KDM4C: variants seen among roughly 807,000 people sequenced by gnomAD.
The protein encoded by KDM4C is lysine demethylase 4C.
Under a neutral mutation model 129.3 loss-of-function variants are expected in KDM4C, and 81 were observed. The ratio of observed to expected loss-of-function variants is 0.63; its 90% confidence interval spans 0.52 to 0.75. KDM4C has a LOEUF of 0.75. Among genes scored for constraint, KDM4C ranks in the 30% least tolerant of loss-of-function variants. KDM4C has a pLI of 0.00. For synonymous variants in KDM4C, 573 were observed against 456.1 expected, an observed-to-expected ratio of 1.26 and a Z score of -3.26; for missense variants, 1,457 against 1,304.0, an observed-to-expected ratio of 1.12 and a Z score of -1.81.
chr9:6,982,450 A>T (rs1816933777), intron 9 of KDM4C: 1 of 152,200 alleles, frequency 6.6e-6, no homozygotes, highest in African/African-American at 2.4e-5. Flanking sequence ...AAAAAGTATT[A>T]TAGTGCTTCC....
At chr9:6,909,685 C>G (rs1223940261) in intron 8 of KDM4C, among the ~76,000 whole-genome samples, 3 of 151,760 alleles carry the variant, frequency 2.0e-5, no homozygotes, top group African/African-American at 7.3e-5. Flanking sequence ...TTTAATGAAA[C>G]AAGTAAATAT....
chr9:7,162,811 G>C (rs1179275863), intron 19 of KDM4C, among the ~76,000 whole-genome samples: 10 of 152,112 alleles, frequency 6.6e-5, no homozygotes, highest in African/African-American at 2.4e-4. Context: ...GCAGGGTACA[G>C]CCTCATGTAT....
chr9:6,735,140 C>G (rs1406853990), intron 1 of KDM4C: 4 of 257,434 alleles, frequency 1.6e-5, no homozygotes, highest in Non-Finnish European at 3.1e-5. Context: ...GAGGCTACAC[C>G]TGTCCCCGCC....
At chr9:6,730,351 C>G (rs1024608207) in intron 1 of KDM4C, among the ~76,000 whole-genome samples, 3 of 151,870 alleles carry the variant, frequency 2.0e-5, no homozygotes, top group African/African-American at 7.3e-5. Flanking sequence ...CGTGGTGGCT[C>G]ACGCCTGTAA....
At position 6,772,769 on chromosome 9, in the gene KDM4C, T is replaced by C. The variant is rs2130645499; in HGVS notation, c.-18+14566T>C. Among the ~76,000 whole-genome samples, 3 of 150,568 alleles carry C rather than the reference T, an allele frequency of 2.0e-5. No homozygotes were observed. In the South Asian group the frequency reaches 6.4e-4, roughly 32 times the overall value. Reference sequence around the variant, plus strand: ...GTGAAGTGGCGCCATCTTGGCTCACTGCAGCCTCTGCCCCCCGGATTCAAG... The same window carrying C: ...GTGAAGTGGCGCCATCTTGGCTCACCGCAGCCTCTGCCCCCCGGATTCAAG... On this transcript the variant is annotated intron_variant, in intron 1 of 21. Coordinates refer to ENST00000381309, the MANE Select transcript of KDM4C (RefSeq NM_015061.6).
chr9:7,077,338 C>A, intron 17 of KDM4C: 1 of 510,472 alleles, frequency 2.0e-6, no homozygotes, highest in Non-Finnish European at 2.5e-6. Context: ...CTATGCCCCT[C>A]CCCTCAACTA....
intron 4 of KDM4C, among the ~76,000 whole-genome samples, chr9:6,833,471 C>T (rs1023971650): frequency 2.6e-5 from 4 of 152,238 alleles, no homozygotes; most frequent in East Asian, 1.9e-4. Flanking sequence ...CGTTTGGCCA[C>T]GTGGCTTCAG....
At chr9:6,888,153 T>C in intron 7 of KDM4C, 90 bp downstream of exon 7, 1 of 607,628 alleles carries the variant, frequency 1.6e-6, no homozygotes, top group Non-Finnish European at 2.8e-6. Flanking sequence ...CAGTAGAATT[T>C]TTAGGATGTG....
chr9:6,768,561 T>C (rs886765755), intron 1 of KDM4C, among the ~76,000 whole-genome samples: 1 of 152,170 alleles, frequency 6.6e-6, no homozygotes, highest in African/African-American at 2.4e-5. Context: ...ATCTAATTTT[T>C]AGATTCTTCA....
In KDM4C at chr9:6,986,481, G is replaced by A. The variant is rs202060671; in HGVS notation, c.1492G>A (p.Glu498Lys). 311 of 1,613,956 alleles carry A rather than the reference G, an allele frequency of 1.9e-4. No individual in the cohort carries two copies. The highest frequency in any genetic ancestry group is 9.7e-5 in the Non-Finnish European group (114 of 1,180,030). ...IPLSSGYEKP[E>K]KSDPSELSWP... ...ATTGTCTAGTGGCTATGAGAAGCCC[G>A]AGAAATCAGACCCATCCGAGCTTTC... Residue 498 changes from glutamate (E) to lysine (K), a missense_variant, in exon 11 of 22, where the codon GAG (glutamate) becomes AAG (lysine). Glu to Lys is a moderately conservative substitution (Grantham distance 56, BLOSUM62 1). Transcript: ENST00000381309.
intron 8 of KDM4C, among the ~76,000 whole-genome samples, chr9:6,919,700 G>A (rs1441524102): frequency 6.6e-6 from 1 of 151,398 alleles, no homozygotes; most frequent in Non-Finnish European, 1.5e-5. Context: ...TTCAGCCTCC[G>A]GAGTAGCTGG....
chr9:6,970,908 A>G (rs886492702), intron 8 of KDM4C, among the ~76,000 whole-genome samples: 1 of 142,398 alleles, frequency 7.0e-6, no homozygotes, highest in African/African-American at 2.6e-5. Flanking sequence ...CACTAACCCC[A>G]TCATTCCCTC....
At chr9:6,929,930 T>C (rs1331638742) in intron 8 of KDM4C, among the ~76,000 whole-genome samples, 1 of 152,252 alleles carries the variant, frequency 6.6e-6, no homozygotes, top group Non-Finnish European at 1.5e-5. Context: ...GTCTCATTAC[T>C]AAAATGTCAT....
At chr9:7,004,907 A>G (rs1392857116) in intron 12 of KDM4C, among the ~76,000 whole-genome samples, 8 of 152,310 alleles carry the variant, frequency 5.3e-5, no homozygotes, top group South Asian at 2.1e-4. Flanking sequence ...CCCTGACCCA[A>G]TGACTGATGA....
At chr9:7,116,950 T>A (rs555871761) in intron 18 of KDM4C, among the ~76,000 whole-genome samples, 77 of 152,192 alleles carry the variant, frequency 5.1e-4, no homozygotes, top group Non-Finnish European at 9.4e-4. Context: ...GTTACAAAAG[T>A]ATAATAATAA....
intron 11 of KDM4C, 164 bp downstream of exon 11, chr9:6,986,830 T>C (rs1191492330): frequency 3.6e-6 from 2 of 557,254 alleles, no homozygotes; most frequent in African/African-American, 3.7e-5. Context: ...GTAAGCCTCC[T>C]GTGAGCTGTG....
intron 18 of KDM4C, among the ~76,000 whole-genome samples, chr9:7,124,028 A>G (rs1394859688): frequency 6.6e-6 from 1 of 152,160 alleles, no homozygotes; most frequent in Non-Finnish European, 1.5e-5. Context: ...ATTTGCTGAG[A>G]GTCTGCTCCC....
At chr9:6,812,173 G>A (rs772791089) in intron 3 of KDM4C, among the ~76,000 whole-genome samples, 8 of 151,262 alleles carry the variant, frequency 5.3e-5, no homozygotes, top group Non-Finnish European at 8.8e-5. Flanking sequence ...GGAGGCGGAG[G>A]TTGCATTGAG....
intron 1 of KDM4C, among the ~76,000 whole-genome samples, chr9:6,768,122 G>T (rs1820997951): frequency 8.6e-5 from 13 of 151,992 alleles, no homozygotes. Context: ...AACTTTTTCA[G>T]TCGACCGAGA....
Sources: allele counts gnomAD v4.1 joint callset (sites outside exome capture counted in the v4.1 genomes callset), GRCh38; gene constraint gnomAD v4.1.1; transcripts MANE v1.5; gene names NCBI Gene and HGNC (gene_info 2026-07-23, HGNC 2026-07-21).